The following CADM1 variants were observed in gnomAD, a reference collection of about 807,000 sequenced individuals.
The protein encoded by CADM1 is cell adhesion molecule 1.
A neutral mutation model predicts 53.1 loss-of-function variants in CADM1; 15 were observed. The observed-to-expected ratio is 0.28, with a 90% CI of 0.19 to 0.44. The LOEUF is 0.44. CADM1 is among the 20% of genes least tolerant of loss of function. CADM1 has a pLI of 1.00. For synonymous variants in CADM1, 281 were observed against 243.0 expected (o/e 1.16, Z -1.45); for missense variants, 434 against 611.3 (o/e 0.71, Z 3.06).
intron 1 of CADM1, among the ~76,000 whole-genome samples, chr11:115,317,420 C>G (rs933045148): frequency 1.3e-5 from 2 of 152,144 alleles, no homozygotes; most frequent in Admixed American, 1.3e-4. Flanking sequence ...CACGAAGGAA[C>G]ATTTATCACA....
In CADM1 at chr11:115,357,319, A is replaced by G. The variant is rs184490560; in HGVS notation, c.125-116899T>C. On this transcript the variant is annotated intron_variant, in intron 1 of 11. Transcript: ENST00000331581. ...TAATACCGGGAAAGTAAACAGAAGG[A>G]AAAAGATTTTCCCAGACTTTCAGCA... Among the ~76,000 whole-genome samples the G allele has an allele frequency of 1.4e-4, 22 of 152,356 alleles. No individual in the cohort carries two copies. The East Asian group carries it at 3.3e-3, about 23-fold the overall frequency.
intron 1 of CADM1, among the ~76,000 whole-genome samples, chr11:115,436,448 G>A (rs912558953): frequency 4.6e-5 from 7 of 152,056 alleles, no homozygotes; most frequent in African/African-American, 1.7e-4. Context: ...TTTGTTTTGG[G>A]GGGACCCACC....
chr11:115,471,170 C>A (rs933723082), intron 1 of CADM1, among the ~76,000 whole-genome samples: 7 of 152,074 alleles, frequency 4.6e-5, no homozygotes. Flanking sequence ...TTTTCTCCGA[C>A]CTATTAGTGA....
chr11:115,390,136 C>T (rs902876707), intron 1 of CADM1, among the ~76,000 whole-genome samples: 15 of 152,138 alleles, frequency 9.9e-5, no homozygotes, highest in African/African-American at 3.1e-4. Context: ...CCACCTCCCC[C>T]CATGTCACAG....
At chr11:115,421,041 C>T (rs1402273516) in intron 1 of CADM1, among the ~76,000 whole-genome samples, 3 of 152,144 alleles carry the variant, frequency 2.0e-5, no homozygotes, top group African/African-American at 7.2e-5. Flanking sequence ...TTGACCTTTG[C>T]ATTGCATACA....
rs560723213 is a variant in CADM1 at position 115,314,315 on chromosome 11, C to T, written c.125-73895G>A. Among the ~76,000 whole-genome samples the T allele has an allele frequency of 2.0e-5, 3 of 152,264 alleles. No homozygotes were observed. In the East Asian group the frequency reaches 5.8e-4, roughly 29 times the overall value. On this transcript the variant is annotated intron_variant, in intron 1 of 11. Transcript: ENST00000331581. ...CACTAAACAATTAAGTTAATGAGCT[C>T]GGGTCCCTATTATGCATCAACATGG...
chr11:115,295,435 G>T (rs551851809), intron 1 of CADM1, among the ~76,000 whole-genome samples: 1 of 146,096 alleles, frequency 6.8e-6, no homozygotes, highest in East Asian at 2.0e-4. Flanking sequence ...CTCCTTGTTG[G>T]ACTATTAGGA....
At chr11:115,232,893 A>G (rs527779666) in intron 3 of CADM1, among the ~76,000 whole-genome samples, 1 of 152,326 alleles carries the variant, frequency 6.6e-6, no homozygotes, top group South Asian at 2.1e-4. Context: ...CAAGAAATTA[A>G]ATATGTATAA....
intron 1 of CADM1, among the ~76,000 whole-genome samples, chr11:115,382,255 A>C (rs545140980): frequency 1.3e-5 from 2 of 152,298 alleles, no homozygotes; most frequent in South Asian, 4.1e-4. Flanking sequence ...TAAAAAGGTA[A>C]ACCAATTTAA....
At chr11:115,179,123 CCTGA>C (rs1184275569) in intron 10 of CADM1, 10 of 347,766 alleles carry the variant, frequency 2.9e-5, no homozygotes, top group East Asian at 2.1e-4. Context: ...AGGGGGCTGA[CCTGA>C]CTATTTGAGG....
chr11:115,275,269 T>G (rs999461064), intron 1 of CADM1, among the ~76,000 whole-genome samples: 4 of 152,156 alleles, frequency 2.6e-5, no homozygotes, highest in African/African-American at 9.7e-5. Flanking sequence ...ACCCCTTGGC[T>G]GCCCAATCAA....
chr11:115,467,939 A>G (rs1948930302), intron 1 of CADM1, among the ~76,000 whole-genome samples: 1 of 152,226 alleles, frequency 6.6e-6, no homozygotes, highest in Non-Finnish European at 1.5e-5. Flanking sequence ...TCTTAACATT[A>G]ATTATTAAGA....
At chr11:115,465,379 G>GA (rs1196719014) in intron 1 of CADM1, among the ~76,000 whole-genome samples, 3 of 152,130 alleles carry the variant, frequency 2.0e-5, no homozygotes, top group African/African-American at 7.2e-5. Flanking sequence ...GCTCTGTTCT[G>GA]AGTGACATGA....
chr11:115,392,925 G>A (rs190575649), intron 1 of CADM1, among the ~76,000 whole-genome samples: 276 of 151,954 alleles, frequency 1.8e-3, no homozygotes, highest in Middle Eastern at 6.8e-3. Flanking sequence ...CCTGTAGTTC[G>A]CATGTGCTCA....
chr11:115,494,463 C>T (rs879777062), intron 1 of CADM1, among the ~76,000 whole-genome samples: 5 of 152,050 alleles, frequency 3.3e-5, no homozygotes, highest in Non-Finnish European at 7.4e-5. Context: ...ACAATATGTC[C>T]TTTCTGTATT....
At chr11:115,208,151 G>A (rs1940786728) in intron 8 of CADM1, among the ~76,000 whole-genome samples, 1 of 152,218 alleles carries the variant, frequency 6.6e-6, no homozygotes, top group Non-Finnish European at 1.5e-5. Context: ...CAAGAATCTA[G>A]GAAGCAGCCT....
chr11:115,171,283 T>A lies in CADM1; in HGVS notation c.*5191A>T, dbSNP rs1938782477. 6.6e-6 allele frequency: 1 copy of A among 152,222 alleles called. No homozygotes were observed. The highest frequency in any genetic ancestry group is 6.5e-5 in the Admixed American group (1 of 15,284). The allele number at this position is 152,222 out of a possible 1,614,324, so 9.4% of individuals were successfully genotyped here. ...ATAATAAAACAAAAATACCTTCACTTAAGCAGGGTCTTTCTACCTGTAACA... is the reference window on the plus strand; with the variant it reads ...ATAATAAAACAAAAATACCTTCACTAAAGCAGGGTCTTTCTACCTGTAACA... On this transcript the variant is annotated 3_prime_UTR_variant, in exon 12 of 12. Coordinates refer to ENST00000331581, the MANE Select transcript of CADM1 (RefSeq NM_001301043.2).
At chr11:115,501,590 T>C (rs1949727939) in intron 1 of CADM1, among the ~76,000 whole-genome samples, 1 of 152,222 alleles carries the variant, frequency 6.6e-6, no homozygotes, top group African/African-American at 2.4e-5. Context: ...AACATCCATT[T>C]CATCCAAACA....
intron 1 of CADM1, among the ~76,000 whole-genome samples, chr11:115,302,442 T>C (rs1281923652): frequency 1.3e-5 from 2 of 152,054 alleles, no homozygotes; most frequent in African/African-American, 4.8e-5. Context: ...AGAAACTTGA[T>C]GGGAGTTTTC....
Sources: gnomAD v4.1 joint callset for allele counts (sites outside exome capture counted in the v4.1 genomes callset) on GRCh38, gnomAD v4.1.1 for gene constraint, MANE v1.5 for transcripts, NCBI Gene and HGNC (gene_info 2026-07-23, HGNC 2026-07-21) for gene names.